NCOA3: variants seen among roughly 807,000 people sequenced by gnomAD.
The protein encoded by NCOA3 is CBP-interacting protein.
NCOA3 carries 51 observed loss-of-function variants against 158.8 expected under a neutral mutation model. That is an observed-to-expected ratio of 0.32 (90% confidence interval 0.26 to 0.41). The LOEUF is 0.41. Among genes scored for constraint, NCOA3 ranks in the 10% least tolerant of loss-of-function variants. The probability of loss-of-function intolerance (pLI) is 1.00; values close to 1 mark genes in which losing one functional copy is unlikely to be tolerated. For synonymous variants in NCOA3, 537 were observed against 592.4 expected, an observed-to-expected ratio of 0.91 and a Z score of 1.36; for missense variants, 1,510 against 1,746.6, an observed-to-expected ratio of 0.86 and a Z score of 2.41.
chr20:47,647,914 G>GTTTTTTTTTT (rs1445300112), intron 18 of NCOA3, among the ~76,000 whole-genome samples: 2 of 126,046 alleles, frequency 1.6e-5, no homozygotes, highest in Non-Finnish European at 3.4e-5. Context: ...TGTTTGTTTT[G>GTTTTTTTTTT]TTTTGTTTTT....
At chr20:47,609,637 G>A (rs1394266747) in intron 2 of NCOA3, among the ~76,000 whole-genome samples, 1 of 151,966 alleles carries the variant, frequency 6.6e-6, no homozygotes, top group African/African-American at 2.4e-5. Context: ...GCCGAGGCAG[G>A]GGAATTCCTT....
At chr20:47,540,372 G>A (rs1238393309) in intron 1 of NCOA3, among the ~76,000 whole-genome samples, 1 of 152,006 alleles carries the variant, frequency 6.6e-6, no homozygotes, top group Non-Finnish European at 1.5e-5. Context: ...TCAGGAGTTC[G>A]AGACCAGCCT....
Position 47,529,173 on chromosome 20 carries a change from C to G in NCOA3, c.-99+27154C>G, listed in dbSNP as rs143468208. 4.1e-4 allele frequency among the ~76,000 whole-genome samples: 62 copies of G among 150,884 alleles called. 1 individual carries two copies. The East Asian group carries it at 0.011, about 27-fold the overall frequency. On this transcript the variant is annotated intron_variant, in intron 1 of 22. Transcript: ENST00000371998. ...TTTGAGATGGAGTTTCACTCTAGTC[C>G]CCCAGGCTGGAGTGCATCTCAGCAC...
At chr20:47,605,176 CT>C (rs1475322816) in intron 2 of NCOA3, among the ~76,000 whole-genome samples, 1 of 152,216 alleles carries the variant, frequency 6.6e-6, no homozygotes, top group Non-Finnish European at 1.5e-5. Context: ...CATTAGTTCA[CT>C]TTTTAAATAC....
chr20:47,585,705 C>T (rs1489864516), intron 2 of NCOA3, among the ~76,000 whole-genome samples: 1 of 152,130 alleles, frequency 6.6e-6, no homozygotes, highest in Non-Finnish European at 1.5e-5. Flanking sequence ...TAAATGTATA[C>T]TTTTAGCCAA....
chr20:47,555,785 C>T (rs1225044140), intron 1 of NCOA3, among the ~76,000 whole-genome samples: 2 of 149,508 alleles, frequency 1.3e-5, no homozygotes, highest in Non-Finnish European at 3.0e-5. Context: ...ACTATAGGCG[C>T]CTGCCACCAT....
At chr20:47,541,137 GA>G (rs72661198) in intron 1 of NCOA3, among the ~76,000 whole-genome samples, 1 of 150,716 alleles carries the variant, frequency 6.6e-6, no homozygotes, top group South Asian at 2.1e-4. Flanking sequence ...ATCTTTGGGT[GA>G]AAAAAAAGAG....
intron 2 of NCOA3, among the ~76,000 whole-genome samples, chr20:47,595,086 C>T (rs2085730925): frequency 6.6e-6 from 1 of 151,420 alleles, no homozygotes; most frequent in African/African-American, 2.4e-5. Context: ...GCCACCACGC[C>T]CAGCCTTTAA....
chr20:47,576,795 T>G (rs985755333), intron 1 of NCOA3, among the ~76,000 whole-genome samples: 5 of 152,224 alleles, frequency 3.3e-5, no homozygotes, highest in Non-Finnish European at 5.9e-5. Context: ...GCAATTCTTG[T>G]GGAACGCCTT....
At chr20:47,578,151 A>G (rs751204272) in intron 1 of NCOA3, among the ~76,000 whole-genome samples, 1 of 151,794 alleles carries the variant, frequency 6.6e-6, no homozygotes, top group Admixed American at 6.6e-5. Context: ...TTAAGTTTAT[A>G]TAGCTCAAAA....
At chr20:47,551,199 A>G (rs1370011906) in intron 1 of NCOA3, among the ~76,000 whole-genome samples, 1 of 152,198 alleles carries the variant, frequency 6.6e-6, no homozygotes, top group East Asian at 1.9e-4. Context: ...GCTAATGCTC[A>G]TAATATCTTG....
At chr20:47,578,337 C>T (rs2085403325) in intron 1 of NCOA3, among the ~76,000 whole-genome samples, 1 of 152,132 alleles carries the variant, frequency 6.6e-6, no homozygotes, top group Admixed American at 6.5e-5. Context: ...AGGCGCCCAC[C>T]ACCACACCCA....
intron 1 of NCOA3, among the ~76,000 whole-genome samples, chr20:47,519,601 A>G (rs1320116393): frequency 6.6e-6 from 1 of 152,034 alleles, no homozygotes; most frequent in Non-Finnish European, 1.5e-5. Context: ...AAAGACTGAT[A>G]AAAAGACGGT....
At position 47,653,573 on chromosome 20, in the gene NCOA3, A is replaced by T; in HGVS notation, c.*156A>T. 1.1e-6 allele frequency: 1 copy of T among 898,556 alleles called. No homozygotes were observed. The highest frequency in any genetic ancestry group is 2.4e-5 in the East Asian group (1 of 41,106). 55.7% of individuals were successfully genotyped at this position (898,556 alleles called of 1,614,324 possible). ...TTTTAAGTGATGTCATTTGAGCAGG[A>T]CTGGATTTTAAGCCGAAGGGCAATA... On this transcript the variant is annotated 3_prime_UTR_variant, in exon 23 of 23. Coordinates refer to ENST00000371998, the MANE Select transcript of NCOA3 (RefSeq NM_181659.3).
chr20:47,536,088 T>C (rs1471067308), intron 1 of NCOA3, among the ~76,000 whole-genome samples: 2 of 152,134 alleles, frequency 1.3e-5, no homozygotes, highest in African/African-American at 2.4e-5. Flanking sequence ...GAGCACAAGA[T>C]AGGGGGGCAT....
At chr20:47,631,355 T>C (rs1219487161) in intron 8 of NCOA3, 4 of 152,232 alleles carry the variant, frequency 2.6e-5, no homozygotes, top group African/African-American at 9.6e-5. Context: ...TCACATCATA[T>C]CAGTCTTTTT....
In NCOA3 at chr20:47,653,763, A is replaced by C. The variant is rs2086834080; in HGVS notation, c.*346A>C. The C allele has an allele frequency of 3.1e-6, 1 of 327,542 alleles. No individual in the cohort carries two copies. The highest frequency in any genetic ancestry group is 5.6e-6 in the Non-Finnish European group (1 of 180,034). 20.3% of individuals were successfully genotyped at this position (327,542 alleles called of 1,614,324 possible). A position where few individuals can be genotyped will look rare whatever the true frequency, so the allele number is the denominator to read the frequency against. ...CTGCCTTGCTAGCCAAAATCTCTTA[A>C]ATACACGTAGGTGGGCCAGAGAACA... On this transcript the variant is annotated 3_prime_UTR_variant, in exon 23 of 23. Transcript: ENST00000371998.
At position 47,653,401 on chromosome 20, in the gene NCOA3, G is replaced by A. The variant is rs1464095022; in HGVS notation, c.4264-5G>A. ...TTTTTTTTTTTTTTTCCTGGTTGCT[G>A]ACAGAAATACTGCTGACATCTCTGC... On this transcript the variant is annotated splice_polypyrimidine_tract_variant and splice_region_variant and intron_variant, in intron 22 of 22. Coordinates refer to ENST00000371998, the MANE Select transcript of NCOA3 (RefSeq NM_181659.3). 3 of 1,350,520 alleles carry A rather than the reference G, an allele frequency of 2.2e-6. No homozygotes were observed. Among genetic ancestry groups the A allele is most frequent in the Admixed American group, 3.9e-5 (2 of 50,766 alleles). 83.7% of individuals were successfully genotyped at this position (1,350,520 alleles called of 1,614,324 possible).
intron 1 of NCOA3, among the ~76,000 whole-genome samples, chr20:47,567,136 C>T (rs141706107): frequency 0.024 from 3,628 of 151,982 alleles, 173 homozygotes; most frequent in African/African-American, 0.084. Flanking sequence ...CAACCTCTGC[C>T]TCCTGGGTTC....
Sources: gnomAD v4.1 joint callset for allele counts (sites outside exome capture counted in the v4.1 genomes callset) on GRCh38, gnomAD v4.1.1 for gene constraint, MANE v1.5 for transcripts, NCBI Gene and HGNC (gene_info 2026-07-23, HGNC 2026-07-21) for gene names.